The following PATL1 variants were observed in gnomAD, a reference collection of about 807,000 sequenced individuals.
The protein encoded by PATL1 is protein PAT1 homolog 1.
In PATL1, 32 loss-of-function variants were observed where a neutral mutation model predicts 100.6. The ratio of observed to expected loss-of-function variants is 0.32; its 90% CI spans 0.24 to 0.43. PATL1 has a LOEUF of 0.43. Ranked by LOEUF, PATL1 falls within the 20% of genes least tolerant of loss-of-function variation. The pLI, the probability that PATL1 is intolerant of heterozygous loss-of-function variation, is 1.00. For missense variants in PATL1, 747 were observed against 949.9 expected (o/e 0.79, Z 2.81); for synonymous variants, 332 against 330.0 (o/e 1.01, Z -0.07).
At position 59,639,135 on chromosome 11, in the gene PATL1, T is replaced by C. The variant is rs1861236034; in HGVS notation, c.2204A>G (p.Lys735Arg). 8.1e-6 allele frequency: 13 copies of C among 1,614,040 alleles called. No homozygotes were observed. The highest frequency in any genetic ancestry group is 1.1e-5 in the Non-Finnish European group (13 of 1,179,900). ...LLRIPQAALA[K>R]PISIPTNLVS... ...TAGGTTTGTAGGTATAGAGATTGGC[T>C]TGGCCAGGGCTGCTTGGGGAATCCG... The change falls in exon 18 of 19, where the codon AAG (lysine) becomes AGG (arginine). Residue 735 changes from lysine to arginine, a missense_variant. Transcript: ENST00000300146.
chr11:59,668,497 G>A (rs1433353718), intron 1 of PATL1, among the ~76,000 whole-genome samples: 2 of 152,052 alleles, frequency 1.3e-5, no homozygotes, highest in African/African-American at 4.8e-5. Context: ...CCGGGTCCAG[G>A]GCGGGAAACG....
chr11:59,647,619 TTAAA>T, intron 15 of PATL1, 131 bp downstream of exon 15: 7 of 932,202 alleles, frequency 7.5e-6, no homozygotes, highest in Non-Finnish European at 9.7e-6. Context: ...AGGTTTTGTT[TTAAA>T]TAATCAAATC....
chr11:59,660,696 C>G (rs1861614876), intron 2 of PATL1, among the ~76,000 whole-genome samples: 1 of 152,080 alleles, frequency 6.6e-6, no homozygotes, highest in South Asian at 2.1e-4. Context: ...GAGGAGGGAG[C>G]TCATTCTGGG....
chr11:59,638,908 C>T, intron 18 of PATL1, 140 bp downstream of exon 18: 1 of 963,118 alleles, frequency 1.0e-6, no homozygotes, highest in Non-Finnish European at 1.5e-6. Context: ...GTCTGGAACT[C>T]CTGGCCTCAA....
intron 1 of PATL1, 37 bp downstream of exon 1, chr11:59,668,840 CGGGA>C (rs748392848): frequency 4.1e-4 from 333 of 810,614 alleles, no homozygotes; most frequent in Non-Finnish European, 4.9e-4. Flanking sequence ...GAGAGGGGCG[CGGGA>C]GGGAGGGAGG....
At chr11:59,666,429 T>C (rs1319360255) in intron 2 of PATL1, among the ~76,000 whole-genome samples, 2 of 152,192 alleles carry the variant, frequency 1.3e-5, no homozygotes, top group African/African-American at 4.8e-5. Context: ...AGACTAAATT[T>C]TGAAACACAT....
intron 16 of PATL1, 86 bp downstream of exon 16, chr11:59,642,794 G>C: frequency 5.8e-6 from 8 of 1,386,360 alleles, no homozygotes; most frequent in Non-Finnish European, 7.8e-6. Context: ...TTCCCAAGTT[G>C]CTAGAGATAC....
chr11:59,637,113 A>G lies in PATL1; in HGVS notation c.*1277T>C, dbSNP rs749102762. On this transcript the variant is annotated 3_prime_UTR_variant, in exon 19 of 19. Coordinates refer to ENST00000300146, the MANE Select transcript of PATL1 (RefSeq NM_152716.3). ...TCCCACCCCCCAACTACATTCGAAA[A>G]AGTAAGAACAGCAGAAAGATCACGA... is the stretch of plus-strand genomic sequence containing the variant. 1 of 152,642 alleles carries G rather than the reference A, an allele frequency of 6.6e-6. No homozygotes were observed. Among genetic ancestry groups the G allele is most frequent in the Non-Finnish European group, 1.5e-5 (1 of 68,076 alleles). 9.5% of individuals were successfully genotyped at this position (152,642 alleles called of 1,614,324 possible). A position where few individuals can be genotyped will look rare whatever the true frequency, so the allele number is the denominator to read the frequency against.
chr11:59,650,127 G>GAAAAAA (rs755879524), intron 13 of PATL1, among the ~76,000 whole-genome samples: 2 of 61,612 alleles, frequency 3.2e-5, no homozygotes, highest in African/African-American at 6.2e-5. Context: ...ATCTCAAAAG[G>GAAAAAA]AAAAAAAAAA....
chr11:59,660,645 C>T (rs758008157), intron 2 of PATL1, among the ~76,000 whole-genome samples: 7 of 151,964 alleles, frequency 4.6e-5, no homozygotes, highest in Non-Finnish European at 1.0e-4. Flanking sequence ...ATGGAATGAG[C>T]AGGGTGGGGA....
chr11:59,651,777 C>A, intron 11 of PATL1, 136 bp from the exon 12 acceptor site: 1 of 644,466 alleles, frequency 1.6e-6, no homozygotes, highest in South Asian at 1.9e-5. Context: ...CTCAATGTAT[C>A]ATTTAGGCCG....
intron 18 of PATL1, among the ~76,000 whole-genome samples, 181 bp from the exon 19 acceptor site, chr11:59,638,592 T>C (rs1363671475): frequency 6.6e-6 from 1 of 152,232 alleles, no homozygotes; most frequent in Non-Finnish European, 1.5e-5. Context: ...CAGTGTTTTA[T>C]ATCTAACAGA....
intron 15 of PATL1, among the ~76,000 whole-genome samples, chr11:59,646,830 A>AT (rs1377499491): frequency 6.6e-6 from 1 of 152,200 alleles, no homozygotes; most frequent in Admixed American, 6.5e-5. Flanking sequence ...TATGACAAGG[A>AT]TAAGGAGAGA....
In PATL1 at chr11:59,659,290, C is replaced by A; in HGVS notation, c.307G>T (p.Ala103Ser). Residue 103 changes from alanine (A) to serine (S), a missense_variant, in exon 3 of 19, where the codon GCT becomes TCT. Coordinates refer to ENST00000300146, the MANE Select transcript of PATL1 (RefSeq NM_152716.3). ...MVIENELEDP[A>S]IMRAVQTRPV... ...CTGGTCTGCACTGCCCTCATAATAGCTGGATCTTCTAGTTCATTTTCAATC... is the reference window on the plus strand; with the variant it reads ...CTGGTCTGCACTGCCCTCATAATAGATGGATCTTCTAGTTCATTTTCAATC... The A allele has an allele frequency of 6.4e-7, 1 of 1,551,438 alleles. No homozygotes were observed. The highest frequency in any genetic ancestry group is 8.7e-7 in the Non-Finnish European group (1 of 1,146,812).
intron 15 of PATL1, 52 bp from the exon 16 acceptor site, chr11:59,643,087 C>T: frequency 6.4e-7 from 1 of 1,571,170 alleles, no homozygotes; most frequent in Non-Finnish European, 8.7e-7. Flanking sequence ...ACTTCAGTTA[C>T]CCCCCACCAG....
intron 15 of PATL1, among the ~76,000 whole-genome samples, chr11:59,645,378 T>G (rs11230034): frequency 1.0e-5 from 1 of 98,360 alleles, no homozygotes; most frequent in African/African-American, 3.9e-5. Flanking sequence ...TGCCCCTCAC[T>G]TCCCCCCCCA....
intron 10 of PATL1, 108 bp from the exon 11 acceptor site, chr11:59,652,695 T>C: frequency 6.5e-7 from 1 of 1,529,368 alleles, no homozygotes; most frequent in Non-Finnish European, 8.8e-7. Flanking sequence ...GCTCTAGAAA[T>C]ATACTGATAG....
chr11:59,659,300 T>C lies in PATL1; in HGVS notation c.297A>G (p.Leu99=). The C allele has an allele frequency of 1.9e-6, 3 of 1,551,456 alleles. No homozygotes were observed. The highest frequency in any genetic ancestry group is 2.6e-6 in the Non-Finnish European group (3 of 1,146,812). The change falls in exon 3 of 19, where the codon CTA becomes CTG. Residue 99 remains leucine (L), a synonymous_variant. Coordinates refer to ENST00000300146, the MANE Select transcript of PATL1 (RefSeq NM_152716.3). ...CTGCCCTCATAATAGCTGGATCTTC[T>C]AGTTCATTTTCAATCACCATCTTAC... is the stretch of plus-strand genomic sequence containing the variant. ...RLSKMVIENE[L]EDPAIMRAVQ... is the part of the protein sequence containing the mutation.
Position 59,639,171 on chromosome 11 carries a change from C to T in PATL1, c.2168G>A (p.Arg723Gln), listed in dbSNP as rs141578876. ...QWTEVMFMAT[R>Q]ELLRIPQAAL... ...TGCTTGGGGAATCCGCAGAAGTTCT[C>T]GTGTTGCCATGAACATCACCTCCGT... Residue 723 changes from arginine to glutamine, a missense_variant, in exon 18 of 19, where the codon CGA becomes CAA. Physicochemically the swap from Arg to Gln is conservative, Grantham distance 43. Coordinates refer to ENST00000300146, the MANE Select transcript of PATL1 (RefSeq NM_152716.3). 453 of 1,613,876 alleles carry T rather than the reference C, an allele frequency of 2.8e-4. No individual in the cohort carries two copies. In the African/African-American group the frequency reaches 5.2e-3, roughly 18 times the overall value.
Sources: gnomAD v4.1 joint callset for allele counts (sites outside exome capture counted in the v4.1 genomes callset) on GRCh38, gnomAD v4.1.1 for gene constraint, MANE v1.5 for transcripts, NCBI Gene and HGNC (gene_info 2026-07-23, HGNC 2026-07-21) for gene names.